The following KIAA0825 variants were observed in gnomAD, a reference collection of about 807,000 sequenced individuals.
KIAA0825 encodes uncharacterized protein KIAA0825.
Under a neutral mutation model 147.6 loss-of-function variants are expected in KIAA0825, and 119 were observed. The ratio of observed to expected loss-of-function variants is 0.81; its 90% CI spans 0.69 to 0.94. The LOEUF is 0.94. Among genes scored for constraint, KIAA0825 ranks in the 40% least tolerant of loss-of-function variants. The pLI is 0.00. For synonymous variants in KIAA0825, 470 were observed against 518.1 expected (o/e 0.91, Z 1.26); for missense variants, 1,381 against 1,472.7 (o/e 0.94, Z 1.02).
At chr5:94,230,324 A>G (rs1774578326) in intron 20 of KIAA0825, among the ~76,000 whole-genome samples, 1 of 152,142 alleles carries the variant, frequency 6.6e-6, no homozygotes, top group Non-Finnish European at 1.5e-5. Flanking sequence ...TTAGTTTTAG[A>G]AATAAGTCTT....
intron 20 of KIAA0825, among the ~76,000 whole-genome samples, chr5:94,165,278 A>G (rs915892113): frequency 2.0e-5 from 3 of 152,236 alleles, no homozygotes; most frequent in African/African-American, 4.8e-5. Context: ...ATTGATCATT[A>G]GAGAAATGCA....
At chr5:94,334,807 C>G (rs1781643054) in intron 20 of KIAA0825, among the ~76,000 whole-genome samples, 1 of 152,146 alleles carries the variant, frequency 6.6e-6, no homozygotes, top group African/African-American at 2.4e-5. Flanking sequence ...TAAAGTCTAG[C>G]TTTATCATGG....
chr5:94,449,588 G>C lies in KIAA0825; in HGVS notation c.2357+3371C>G, dbSNP rs1584522633. Among the ~76,000 whole-genome samples the C allele has an allele frequency of 3.3e-5, 5 of 152,158 alleles. No homozygotes were observed. In the South Asian group the frequency reaches 8.3e-4, roughly 25 times the overall value. On this transcript the variant is annotated intron_variant, in intron 13 of 20. Transcript: ENST00000682413. ...AGGACAAGGGAAGAAGGGAAAGAAG[G>C]ATCATTTGAAGACATCGTATTGAAT...
At chr5:94,458,252 CTCTT>C (rs1234855248) in intron 12 of KIAA0825, among the ~76,000 whole-genome samples, 1 of 152,150 alleles carries the variant, frequency 6.6e-6, no homozygotes, top group Non-Finnish European at 1.5e-5. Flanking sequence ...ATGAAAATAA[CTCTT>C]TGAGGTTAGC....
At chr5:94,231,487 A>G (rs1774695588) in intron 20 of KIAA0825, among the ~76,000 whole-genome samples, 1 of 152,164 alleles carries the variant, frequency 6.6e-6, no homozygotes, top group Admixed American at 6.5e-5. Context: ...AAACACATTT[A>G]CATTACTTTG....
At chr5:94,587,662 C>T (rs905827783) in intron 1 of KIAA0825, among the ~76,000 whole-genome samples, 3 of 152,144 alleles carry the variant, frequency 2.0e-5, no homozygotes, top group Non-Finnish European at 2.9e-5. Context: ...ATCAAGCTAC[C>T]AATGACTTTC....
intron 20 of KIAA0825, among the ~76,000 whole-genome samples, chr5:94,325,742 A>G (rs1780621946): frequency 6.6e-6 from 1 of 151,926 alleles, no homozygotes; most frequent in Non-Finnish European, 1.5e-5. Context: ...TTATCTTGAC[A>G]GTTCTTGCAT....
rs1766628258 is a variant in KIAA0825 at position 94,152,847 on chromosome 5, AAAAAAAAATTAT to A, written c.*1148_*1159del. ...AAAAAAAAAAAAAAAAAAAAAAAAA[AAAAAAAAATTAT>A]ATATATATATATATATATATATATA... On this transcript the variant is annotated 3_prime_UTR_variant, in exon 21 of 21. Coordinates refer to ENST00000682413, the MANE Select transcript of KIAA0825 (RefSeq NM_001145678.3). 3.3e-5 allele frequency: 1 copy of A among 30,150 alleles called. No individual in the cohort carries two copies. Among genetic ancestry groups the A allele is most frequent in the Non-Finnish European group, 6.8e-5 (1 of 14,774 alleles). The allele number at this position is 30,150 out of a possible 1,614,324, so 1.9% of individuals were successfully genotyped here.
At chr5:94,546,474 G>T (rs1057061988) in intron 2 of KIAA0825, among the ~76,000 whole-genome samples, 2 of 151,884 alleles carry the variant, frequency 1.3e-5, no homozygotes, top group Non-Finnish European at 2.9e-5. Context: ...GTGGCCACAG[G>T]GGTGCTTATA....
At chr5:94,377,458 G>A (rs1209522256) in intron 20 of KIAA0825, among the ~76,000 whole-genome samples, 1 of 152,158 alleles carries the variant, frequency 6.6e-6, no homozygotes, top group Admixed American at 6.5e-5. Context: ...CTGGAGTTTC[G>A]CCATGAATGA....
At chr5:94,270,893 T>C (rs994071515) in intron 20 of KIAA0825, among the ~76,000 whole-genome samples, 2 of 152,152 alleles carry the variant, frequency 1.3e-5, no homozygotes, top group Non-Finnish European at 2.9e-5. Context: ...GTTGACAAGA[T>C]ATTAAGTCTC....
At chr5:94,490,225 C>A (rs554381464) in intron 5 of KIAA0825, among the ~76,000 whole-genome samples, 1 of 152,146 alleles carries the variant, frequency 6.6e-6, no homozygotes, top group South Asian at 2.1e-4. Flanking sequence ...TAATCTCATA[C>A]AAAGTAGGTA....
At chr5:94,198,544 AC>A (rs1186180616) in intron 20 of KIAA0825, among the ~76,000 whole-genome samples, 5 of 152,268 alleles carry the variant, frequency 3.3e-5, no homozygotes, top group African/African-American at 1.2e-4. Context: ...TGGGAGTTGA[AC>A]AATGAGAACA....
intron 20 of KIAA0825, among the ~76,000 whole-genome samples, chr5:94,156,275 C>T (rs1767022364): frequency 6.6e-6 from 1 of 152,164 alleles, no homozygotes; most frequent in Non-Finnish European, 1.5e-5. Flanking sequence ...AAACCATTTA[C>T]AGCTAATATA....
rs1219012399 is a variant in KIAA0825 at position 94,153,019 on chromosome 5, A to G, written c.*988T>C. ...CGTTAACTGTCCACTTGATGAAATAACACTGTAGTAGGCATACAGGGAGTT... is the reference window on the plus strand; with the variant it reads ...CGTTAACTGTCCACTTGATGAAATAGCACTGTAGTAGGCATACAGGGAGTT... On this transcript the variant is annotated 3_prime_UTR_variant, in exon 21 of 21. Transcript: ENST00000682413. 3 of 148,836 alleles carry G rather than the reference A, an allele frequency of 2.0e-5. No homozygotes were observed. The highest frequency in any genetic ancestry group is 6.8e-5 in the Admixed American group (1 of 14,812). The allele number at this position is 148,836 out of a possible 1,614,324, so 9.2% of individuals were successfully genotyped here. A position where few individuals can be genotyped will look rare whatever the true frequency, so the allele number is the denominator to read the frequency against.
At chr5:94,338,361 C>A (rs192185376) in intron 20 of KIAA0825, among the ~76,000 whole-genome samples, 1 of 151,080 alleles carries the variant, frequency 6.6e-6, no homozygotes, top group African/African-American at 2.4e-5. Context: ...AAAATGTAGT[C>A]GTTTTGACTC....
intron 20 of KIAA0825, among the ~76,000 whole-genome samples, chr5:94,363,464 G>A (rs2150412691): frequency 6.6e-6 from 1 of 152,276 alleles, no homozygotes; most frequent in African/African-American, 2.4e-5. Flanking sequence ...GGACTGATGT[G>A]TTACCTTGAG....
chr5:94,374,804 C>T (rs558601070), intron 20 of KIAA0825, among the ~76,000 whole-genome samples: 1 of 152,242 alleles, frequency 6.6e-6, no homozygotes, highest in African/African-American at 2.4e-5. Context: ...CTGAAGCCTT[C>T]CCTGCCTATT....
chr5:94,382,788 T>A (rs901866977), intron 20 of KIAA0825, among the ~76,000 whole-genome samples: 2 of 152,218 alleles, frequency 1.3e-5, no homozygotes, highest in Admixed American at 6.5e-5. Flanking sequence ...CAATTCTGTG[T>A]AAAACACAAA....
Sources: gnomAD v4.1 joint callset for allele counts (sites outside exome capture counted in the v4.1 genomes callset) on GRCh38, gnomAD v4.1.1 for gene constraint, MANE v1.5 for transcripts, NCBI Gene and HGNC (gene_info 2026-07-23, HGNC 2026-07-21) for gene names.